LRMDA: variants seen among roughly 807,000 people sequenced by gnomAD.
LRMDA encodes the protein leucine-rich melanocyte differentiation-associated protein.
A neutral mutation model predicts 29.8 loss-of-function variants in LRMDA; 18 were observed. That is an observed-to-expected ratio of 0.60 (90% CI 0.42 to 0.90). LRMDA has a LOEUF of 0.90. LRMDA is among the 40% of genes least tolerant of loss of function. LRMDA has a pLI of 0.00. For synonymous variants in LRMDA, 125 were observed against 109.4 expected (o/e 1.14, Z -0.89); for missense variants, 273 against 273.9 (o/e 1.00, Z 0.02).
intron 5 of LRMDA, among the ~76,000 whole-genome samples, chr10:76,109,798 C>A (rs1019207234): frequency 6.6e-6 from 1 of 152,128 alleles, no homozygotes; most frequent in Admixed American, 6.6e-5. Flanking sequence ...CTTTGTTCAC[C>A]TCTTCTTTTT....
intron 2 of LRMDA, among the ~76,000 whole-genome samples, chr10:75,836,233 A>G (rs1435481414): frequency 6.6e-6 from 1 of 152,158 alleles, no homozygotes; most frequent in Non-Finnish European, 1.5e-5. Context: ...CTTTTGCTAG[A>G]TTCTTGCAGC....
At chr10:76,549,676 G>T (rs558826755) in intron 6 of LRMDA, among the ~76,000 whole-genome samples, 78 of 152,192 alleles carry the variant, frequency 5.1e-4, no homozygotes, top group African/African-American at 1.8e-3. Flanking sequence ...ATAAAAACTA[G>T]TGTTTACTCT....
intron 2 of LRMDA, among the ~76,000 whole-genome samples, chr10:75,760,643 A>T (rs1344704915): frequency 6.6e-6 from 1 of 152,196 alleles, no homozygotes; most frequent in Non-Finnish European, 1.5e-5. Flanking sequence ...GCAAGGGCAA[A>T]GTTTAAAGGA....
chr10:76,129,393 T>A (rs1486395327), intron 5 of LRMDA, among the ~76,000 whole-genome samples: 1 of 152,164 alleles, frequency 6.6e-6, no homozygotes, highest in African/African-American at 2.4e-5. Flanking sequence ...CCATCTCCAG[T>A]GGGTAGAAGA....
At chr10:75,463,430 G>A (rs1326267100) in intron 2 of LRMDA, among the ~76,000 whole-genome samples, 2 of 152,082 alleles carry the variant, frequency 1.3e-5, no homozygotes, top group Non-Finnish European at 2.9e-5. Context: ...TGTAGACAAT[G>A]TGGGATGATG....
intron 4 of LRMDA, among the ~76,000 whole-genome samples, chr10:76,056,878 G>A (rs1305765400): frequency 1.3e-5 from 2 of 152,138 alleles, no homozygotes; most frequent in African/African-American, 4.8e-5. Flanking sequence ...CAACTCAGGA[G>A]GGCATGGGGC....
rs1417829544 is a variant in LRMDA, at chr10:76,047,295, G to A, written c.390G>A (p.Lys130=). ...TGGAAAAGGATGAGGAAGACTACAAGAGATACAGGTGAGTGTCCAGGGGTT... is the reference window on the plus strand; with the variant it reads ...TGGAAAAGGATGAGGAAGACTACAAAAGATACAGGTGAGTGTCCAGGGGTT... The part of the protein sequence containing the change: ...VSLEKDEEDY[K]RYRCFVLYKL... The change falls in exon 4 of 7, where the codon AAG becomes AAA. Residue 130 remains lysine (K), a synonymous_variant. Transcript: ENST00000611255. 1 of 1,610,564 alleles carries A rather than the reference G, an allele frequency of 6.2e-7. No individual in the cohort carries two copies. Among genetic ancestry groups the A allele is most frequent in the African/African-American group, 1.3e-5 (1 of 74,700 alleles).
At chr10:75,965,538 G>C (rs1048305120) in intron 2 of LRMDA, among the ~76,000 whole-genome samples, 1 of 152,144 alleles carries the variant, frequency 6.6e-6, no homozygotes, top group East Asian at 1.9e-4. Flanking sequence ...CCAATTCCAT[G>C]AGTGGGCTCT....
intron 6 of LRMDA, among the ~76,000 whole-genome samples, chr10:76,452,980 C>G (rs1188903247): frequency 6.6e-6 from 1 of 152,142 alleles, no homozygotes; most frequent in Non-Finnish European, 1.5e-5. Flanking sequence ...ATTTGAATCT[C>G]CTAAGACTTC....
At chr10:75,973,343 T>C (rs775206197) in intron 2 of LRMDA, among the ~76,000 whole-genome samples, 1 of 152,094 alleles carries the variant, frequency 6.6e-6, no homozygotes, top group Non-Finnish European at 1.5e-5. Context: ...ATGCCATCAT[T>C]GTCTTTTTTT....
intron 5 of LRMDA, among the ~76,000 whole-genome samples, chr10:76,231,869 T>C (rs934422114): frequency 4.4e-4 from 67 of 152,160 alleles, no homozygotes; most frequent in African/African-American, 1.6e-3. Context: ...TGCTTTCTTA[T>C]CAGTTTCTAT....
chr10:76,161,167 A>C (rs1471143558), intron 5 of LRMDA, among the ~76,000 whole-genome samples: 1 of 152,152 alleles, frequency 6.6e-6, no homozygotes, highest in Non-Finnish European at 1.5e-5. Flanking sequence ...AATTGGAGAA[A>C]CATGAAAAGG....
At chr10:76,186,772 A>G (rs1054320720) in intron 5 of LRMDA, among the ~76,000 whole-genome samples, 1 of 152,170 alleles carries the variant, frequency 6.6e-6, no homozygotes, top group Non-Finnish European at 1.5e-5. Flanking sequence ...CCCTCATGGA[A>G]CTGACATTCT....
At chr10:76,156,072 G>T (rs556702250) in intron 5 of LRMDA, among the ~76,000 whole-genome samples, 1 of 152,174 alleles carries the variant, frequency 6.6e-6, no homozygotes, top group Non-Finnish European at 1.5e-5. Context: ...TGTGCTGGAA[G>T]AAAGTAACTC....
intron 2 of LRMDA, among the ~76,000 whole-genome samples, chr10:75,894,164 T>A (rs943122261): frequency 6.6e-6 from 1 of 152,080 alleles, no homozygotes; most frequent in Non-Finnish European, 1.5e-5. Flanking sequence ...TTGTAGTCTT[T>A]TATCCCTCGT....
intron 2 of LRMDA, among the ~76,000 whole-genome samples, chr10:75,901,537 C>T (rs996874822): frequency 5.7e-4 from 86 of 152,022 alleles, no homozygotes; most frequent in African/African-American, 1.9e-3. Context: ...GTGACAAATG[C>T]GAACATTAAT....
intron 2 of LRMDA, among the ~76,000 whole-genome samples, chr10:75,649,092 A>G (rs190439873): frequency 6.9e-4 from 105 of 152,330 alleles, no homozygotes; most frequent in Non-Finnish European, 1.1e-3. Context: ...GCTGAAACCC[A>G]TTAAACAGTA....
intron 2 of LRMDA, among the ~76,000 whole-genome samples, chr10:75,541,843 A>C (rs1840020659): frequency 6.6e-6 from 1 of 151,150 alleles, no homozygotes; most frequent in Non-Finnish European, 1.5e-5. Context: ...TGAACTGTCA[A>C]CTCCTGTTTC....
intron 6 of LRMDA, among the ~76,000 whole-genome samples, chr10:76,329,439 T>G (rs1189314926): frequency 6.6e-6 from 1 of 152,212 alleles, no homozygotes; most frequent in Non-Finnish European, 1.5e-5. Flanking sequence ...CTTGAAGATA[T>G]GCCATAGTTA....
Sources: allele counts gnomAD v4.1 joint callset (sites outside exome capture counted in the v4.1 genomes callset), GRCh38; gene constraint gnomAD v4.1.1; transcripts MANE v1.5; gene names NCBI Gene and HGNC (gene_info 2026-07-23, HGNC 2026-07-21).